ADARB2: variants seen among roughly 807,000 people sequenced by gnomAD.
The protein encoded by ADARB2 is adenosine deaminase RNA specific B2 (inactive).
A neutral mutation model predicts 62.2 loss-of-function variants in ADARB2; 25 were observed. The ratio of observed to expected loss-of-function variants is 0.40; its 90% CI spans 0.29 to 0.56. ADARB2 has a LOEUF of 0.56. Among genes scored for constraint, ADARB2 ranks in the 20% least tolerant of loss-of-function variants. The probability of loss-of-function intolerance (pLI) is 0.43; values close to 1 mark genes in which losing one functional copy is unlikely to be tolerated. For missense variants in ADARB2, 1,071 were observed against 1,077.4 expected, an observed-to-expected ratio of 0.99 and a Z score of 0.08; for synonymous variants, 572 against 500.8, an observed-to-expected ratio of 1.14 and a Z score of -1.90.
chr10:1,733,922 G>T (rs1835266139), intron 1 of ADARB2, among the ~76,000 whole-genome samples: 1 of 151,870 alleles, frequency 6.6e-6, no homozygotes, highest in Non-Finnish European at 1.5e-5. Flanking sequence ...GGGACACACT[G>T]ACGTGTCTGG....
intron 3 of ADARB2, among the ~76,000 whole-genome samples, chr10:1,360,551 CT>C (rs1226308223): frequency 6.6e-6 from 1 of 152,172 alleles, no homozygotes; most frequent in Non-Finnish European, 1.5e-5. Flanking sequence ...TTTTTTCCCC[CT>C]GAATCACATC....
intron 1 of ADARB2, among the ~76,000 whole-genome samples, chr10:1,453,767 T>C (rs1453451751): frequency 6.6e-6 from 1 of 152,090 alleles, no homozygotes; most frequent in Non-Finnish European, 1.5e-5. Flanking sequence ...ACGTCACTAA[T>C]CATTAGGGAA....
intron 1 of ADARB2, among the ~76,000 whole-genome samples, chr10:1,729,189 G>C (rs1268052818): frequency 6.6e-6 from 1 of 152,146 alleles, no homozygotes; most frequent in Non-Finnish European, 1.5e-5. Context: ...GGTTAAATTA[G>C]GCTACCTATG....
rs376698516 is a variant in ADARB2 at position 1,229,885 on chromosome 10, A to G, written c.1513+3809T>C. ...GTGTGTGTGGGTATATATGTGTGAGAAAGGGAGAAGTCTGGCACAGTTGAG... is the reference window on the plus strand; with the variant it reads ...GTGTGTGTGGGTATATATGTGTGAGGAAGGGAGAAGTCTGGCACAGTTGAG... On this transcript the variant is annotated intron_variant, in intron 6 of 9. Coordinates refer to ENST00000381312, the MANE Select transcript of ADARB2 (RefSeq NM_018702.4). Among the ~76,000 whole-genome samples, 308 of 152,026 alleles carry G rather than the reference A, an allele frequency of 2.0e-3. 1 individual carries two copies. Among genetic ancestry groups the G allele is most frequent in the African/African-American group, 7.0e-3 (292 of 41,470 alleles).
At chr10:1,296,135 A>G (rs531285664) in intron 3 of ADARB2, among the ~76,000 whole-genome samples, 5 of 152,330 alleles carry the variant, frequency 3.3e-5, no homozygotes, top group African/African-American at 1.2e-4. Flanking sequence ...CACCTGCTCA[A>G]GTGAACTTCA....
In ADARB2 at chr10:1,363,794, T is replaced by C. The variant is rs1588233077; in HGVS notation, c.311A>G (p.Glu104Gly). 6.3e-7 allele frequency: 1 copy of C among 1,597,618 alleles called. No individual in the cohort carries two copies. The highest frequency in any genetic ancestry group is 8.5e-7 in the Non-Finnish European group (1 of 1,178,736). Residue 104 changes from glutamate (E) to glycine (G), a missense_variant, in exon 3 of 10, where the codon GAG (glutamate) becomes GGG (glycine). Coordinates refer to ENST00000381312, the MANE Select transcript of ADARB2 (RefSeq NM_018702.4). ...TTTGCACAAGTGGCCCCCATTCCCC[T>C]CCTCCAGCGGCCGCTTCCTCTTCGC... ...PGAKRKRPLE[E>G]GNGGHLCKLQ...
intron 1 of ADARB2, among the ~76,000 whole-genome samples, chr10:1,634,654 C>T (rs532058919): frequency 5.9e-4 from 90 of 152,340 alleles, no homozygotes; most frequent in Admixed American, 1.6e-3. Flanking sequence ...TAATATGTCG[C>T]ATGACCTCAA....
chr10:1,327,816 TC>T (rs1422775426), intron 3 of ADARB2, among the ~76,000 whole-genome samples: 2 of 68,940 alleles, frequency 2.9e-5, no homozygotes, highest in African/African-American at 1.1e-4. Context: ...GTTCAGCATC[TC>T]CTCACAGCTC....
At chr10:1,511,534 C>T (rs970879111) in intron 1 of ADARB2, among the ~76,000 whole-genome samples, 2 of 152,100 alleles carry the variant, frequency 1.3e-5, no homozygotes, top group African/African-American at 4.8e-5. Flanking sequence ...GATGCTACAT[C>T]TGTGAGCCCG....
chr10:1,209,527 C>T lies in ADARB2; in HGVS notation c.1682+7424G>A, dbSNP rs1174553189. Among the ~76,000 whole-genome samples the T allele has an allele frequency of 3.9e-3, 578 of 149,386 alleles. 4 individuals are homozygous for T. Among genetic ancestry groups the T allele is most frequent in the African/African-American group, 0.013 (539 of 40,224 alleles). Reference sequence around the variant, plus strand: ...CCTACACTGTCACCCATGCCCACACCTACAGCCTCGCCCACACCCATGCCA... The same window carrying T: ...CCTACACTGTCACCCATGCCCACACTTACAGCCTCGCCCACACCCATGCCA... On this transcript the variant is annotated intron_variant, in intron 7 of 9. Coordinates refer to ENST00000381312, the MANE Select transcript of ADARB2 (RefSeq NM_018702.4).
intron 1 of ADARB2, among the ~76,000 whole-genome samples, chr10:1,435,110 C>T (rs985266391): frequency 3.3e-5 from 5 of 152,196 alleles, no homozygotes; most frequent in Non-Finnish European, 7.3e-5. Context: ...CGAGGGAGGG[C>T]ACAGAACCCA....
intron 3 of ADARB2, among the ~76,000 whole-genome samples, chr10:1,293,908 C>T (rs1265725399): frequency 1.3e-5 from 2 of 151,798 alleles, no homozygotes; most frequent in Non-Finnish European, 2.9e-5. Context: ...CTCGGAGTGT[C>T]GGCAGGGCAA....
chr10:1,219,374 T>C lies in ADARB2; in HGVS notation c.1514-2255A>G, dbSNP rs187838272. Among the ~76,000 whole-genome samples, 310 of 152,386 alleles carry C rather than the reference T, an allele frequency of 2.0e-3. 1 individual carries two copies. The highest frequency in any genetic ancestry group is 3.2e-3 in the Non-Finnish European group (219 of 68,038). On this transcript the variant is annotated intron_variant, in intron 6 of 9. Coordinates refer to ENST00000381312, the MANE Select transcript of ADARB2 (RefSeq NM_018702.4). ...ATTTCCAGTGTATTTTCTAATTGTC[T>C]GTAAGAGCTGACATTCTTTCACTAT... is the stretch of plus-strand genomic sequence containing the variant.
At chr10:1,673,626 G>A (rs1038948693) in intron 1 of ADARB2, among the ~76,000 whole-genome samples, 1 of 152,210 alleles carries the variant, frequency 6.6e-6, no homozygotes, top group Non-Finnish European at 1.5e-5. Context: ...ATGAGAGTGT[G>A]AAAAATGAAC....
chr10:1,500,721 G>C (rs1831757699), intron 1 of ADARB2, among the ~76,000 whole-genome samples: 1 of 152,144 alleles, frequency 6.6e-6, no homozygotes. Context: ...TATTTAGACA[G>C]GAGCTTCCTA....
intron 1 of ADARB2, among the ~76,000 whole-genome samples, chr10:1,687,561 G>T (rs1043433378): frequency 6.6e-6 from 1 of 151,390 alleles, no homozygotes. Flanking sequence ...CTCTTTGATT[G>T]ATTTTATAAG....
chr10:1,612,490 T>C (rs10794770), intron 1 of ADARB2, among the ~76,000 whole-genome samples: 108,012 of 152,232 alleles, frequency 0.71, 38,412 homozygotes, highest in African/African-American at 0.77. Flanking sequence ...GCAATTGTTC[T>C]GTAGATAGTA....
chr10:1,601,760 G>A (rs1270226482), intron 1 of ADARB2, among the ~76,000 whole-genome samples: 1 of 152,134 alleles, frequency 6.6e-6, no homozygotes, highest in African/African-American at 2.4e-5. Flanking sequence ...GTGCTCCGGG[G>A]TACTTCCATG....
chr10:1,658,801 G>T (rs536569359), intron 1 of ADARB2, among the ~76,000 whole-genome samples: 10 of 152,252 alleles, frequency 6.6e-5, no homozygotes, highest in Non-Finnish European at 1.5e-4. Context: ...CCTTTGTGTC[G>T]TGTGCTCTGA....
Sources: gnomAD v4.1 joint callset for allele counts (sites outside exome capture counted in the v4.1 genomes callset) on GRCh38, gnomAD v4.1.1 for gene constraint, MANE v1.5 for transcripts, NCBI Gene and HGNC (gene_info 2026-07-23, HGNC 2026-07-21) for gene names.